XYLT1: variants seen among roughly 807,000 people sequenced by gnomAD.
The protein encoded by XYLT1 is xylosyltransferase 1, also known as beta-D-xylosyltransferase 1.
Under a neutral mutation model 91.3 loss-of-function variants are expected in XYLT1, and 36 were observed. That is an observed-to-expected ratio of 0.39 (90% CI 0.30 to 0.52). The LOEUF (loss-of-function observed/expected upper bound fraction) is 0.52. XYLT1 is among the 20% of genes least tolerant of loss of function. XYLT1 has a pLI of 0.68. For missense variants in XYLT1, 1,242 were observed against 1,284.5 expected, an observed-to-expected ratio of 0.97 and a Z score of 0.51; for synonymous variants, 588 against 532.0, an observed-to-expected ratio of 1.11 and a Z score of -1.45.
At chr16:17,110,485 G>C (rs879883940) in intron 11 of XYLT1, among the ~76,000 whole-genome samples, 1 of 152,152 alleles carries the variant, frequency 6.6e-6, no homozygotes, top group African/African-American at 2.4e-5. Context: ...GCCTGCCACC[G>C]TGTAAGATGT....
At chr16:17,404,331 G>A (rs1057030496) in intron 1 of XYLT1, among the ~76,000 whole-genome samples, 1 of 152,200 alleles carries the variant, frequency 6.6e-6, no homozygotes, top group Non-Finnish European at 1.5e-5. Context: ...TCCTGCTACA[G>A]CTGAGGATGA....
At chr16:17,445,102 C>T (rs1461405671) in intron 1 of XYLT1, among the ~76,000 whole-genome samples, 1 of 152,210 alleles carries the variant, frequency 6.6e-6, no homozygotes, top group Non-Finnish European at 1.5e-5. Flanking sequence ...AGGGCTCAAA[C>T]AATCCTCTCA....
At position 17,108,981 on chromosome 16, in the gene XYLT1, T is replaced by C. The variant is rs756228697; in HGVS notation, c.2594A>G (p.Asn865Ser). ...CTGGAAGCTCTGCTCCATGTAGGCATTGCGGAGGGGCCCATTGTGCAGCTT... is the reference window on the plus strand; with the variant it reads ...CTGGAAGCTCTGCTCCATGTAGGCACTGCGGAGGGGCCCATTGTGCAGCTT... ...ALKLHNGPLR[N>S]AYMEQSFQSL... The change falls in exon 12 of 12, where the codon AAT becomes AGT. Residue 865 changes from asparagine to serine, a missense_variant. Asn to Ser is a conservative substitution (Grantham distance 46). Coordinates refer to ENST00000261381, the MANE Select transcript of XYLT1 (RefSeq NM_022166.4). The C allele has an allele frequency of 1.3e-6, 2 of 1,554,028 alleles. No individual in the cohort carries two copies. The highest frequency in any genetic ancestry group is 1.2e-5 in the South Asian group (1 of 81,636).
intron 10 of XYLT1, among the ~76,000 whole-genome samples, chr16:17,119,168 A>G (rs1338068542): frequency 6.6e-6 from 1 of 152,084 alleles, no homozygotes; most frequent in African/African-American, 2.4e-5. Flanking sequence ...CTTGGTGCCT[A>G]CTACCATGCT....
At chr16:17,428,538 T>C (rs1042110174) in intron 1 of XYLT1, among the ~76,000 whole-genome samples, 1 of 152,188 alleles carries the variant, frequency 6.6e-6, no homozygotes, top group African/African-American at 2.4e-5. Context: ...ACAGCTCTGA[T>C]TACAAATGCA....
chr16:17,442,935 T>C (rs555982260), intron 1 of XYLT1, among the ~76,000 whole-genome samples: 1 of 152,266 alleles, frequency 6.6e-6, no homozygotes, highest in South Asian at 2.1e-4. Context: ...GGTGAACGTG[T>C]GTTACTTTAA....
chr16:17,288,597 G>T (rs1015236370), intron 2 of XYLT1, among the ~76,000 whole-genome samples: 7 of 152,280 alleles, frequency 4.6e-5, no homozygotes, highest in African/African-American at 1.7e-4. Flanking sequence ...TTGAATATGG[G>T]CAGGTCATGC....
At chr16:17,268,971 C>T (rs1245969521) in intron 2 of XYLT1, among the ~76,000 whole-genome samples, 1 of 152,128 alleles carries the variant, frequency 6.6e-6, no homozygotes, top group Non-Finnish European at 1.5e-5. Context: ...CTGCGCCCAG[C>T]CGATAAATAC....
At chr16:17,165,536 A>T (rs2031658303) in intron 5 of XYLT1, among the ~76,000 whole-genome samples, 1 of 152,088 alleles carries the variant, frequency 6.6e-6, no homozygotes, top group South Asian at 2.1e-4. Context: ...AATACAAAAA[A>T]AAAAAAATTA....
chr16:17,387,279 G>A (rs1451518063), intron 1 of XYLT1, among the ~76,000 whole-genome samples: 1 of 152,172 alleles, frequency 6.6e-6, no homozygotes, highest in East Asian at 1.9e-4. Flanking sequence ...GGGACTGGAG[G>A]CAAAGAGAGA....
intron 1 of XYLT1, among the ~76,000 whole-genome samples, chr16:17,428,982 G>T (rs1351980252): frequency 6.6e-6 from 1 of 152,128 alleles, no homozygotes; most frequent in Non-Finnish European, 1.5e-5. Context: ...CTTCCACAGG[G>T]ACCTGTGGCC....
At chr16:17,268,958 C>T (rs545097701) in intron 2 of XYLT1, among the ~76,000 whole-genome samples, 1 of 152,258 alleles carries the variant, frequency 6.6e-6, no homozygotes, top group East Asian at 1.9e-4. Context: ...CAGGCGTGAG[C>T]CACTGCGCCC....
intron 2 of XYLT1, among the ~76,000 whole-genome samples, chr16:17,354,241 G>A (rs2035262350): frequency 6.6e-6 from 1 of 152,190 alleles, no homozygotes; most frequent in Admixed American, 6.5e-5. Flanking sequence ...GCTGACACCA[G>A]GGATTTAAAC....
At chr16:17,319,005 C>T (rs1345723662) in intron 2 of XYLT1, among the ~76,000 whole-genome samples, 2 of 152,082 alleles carry the variant, frequency 1.3e-5, no homozygotes, top group Non-Finnish European at 2.9e-5. Context: ...CCTGGCTGGT[C>T]TCAAACTCCT....
At chr16:17,242,095 G>A (rs1387814975) in intron 3 of XYLT1, among the ~76,000 whole-genome samples, 5 of 152,138 alleles carry the variant, frequency 3.3e-5, no homozygotes, top group African/African-American at 1.2e-4. Flanking sequence ...CCACCCCCGT[G>A]ATTCAATTAC....
chr16:17,237,638 C>T (rs571318214), intron 3 of XYLT1, among the ~76,000 whole-genome samples: 4 of 152,290 alleles, frequency 2.6e-5, no homozygotes, highest in African/African-American at 9.6e-5. Context: ...AATCCGGAGA[C>T]GGATTCATCA....
Position 17,418,098 on chromosome 16 carries a change from G to A in XYLT1, c.363+52336C>T, listed in dbSNP as rs938884249. Among the ~76,000 whole-genome samples the A allele has an allele frequency of 4.6e-5, 7 of 152,192 alleles. 1 individual carries two copies. Among genetic ancestry groups the A allele is most frequent in the Admixed American group, 2.0e-4 (3 of 15,270 alleles). ...ATCCAAGAAAGAACCATCCAGCCACGTCTAGTCAGCCCACAAAACCTTGAG... is the reference window on the plus strand; with the variant it reads ...ATCCAAGAAAGAACCATCCAGCCACATCTAGTCAGCCCACAAAACCTTGAG... On this transcript the variant is annotated intron_variant, in intron 1 of 11. Coordinates refer to ENST00000261381, the MANE Select transcript of XYLT1 (RefSeq NM_022166.4).
Position 17,244,126 on chromosome 16 carries a change from A to C in XYLT1, c.913+14862T>G, listed in dbSNP as rs536623143. On this transcript the variant is annotated intron_variant, in intron 3 of 11. Transcript: ENST00000261381. ...TTGGTTGCAAACCACTGAATCAGGG[A>C]AAGGGCAGAACTAGGGGGAACAGGA... Among the ~76,000 whole-genome samples the C allele has an allele frequency of 2.8e-3, 422 of 152,190 alleles. 2 individuals carry two copies. The highest frequency in any genetic ancestry group is 3.1e-3 in the Non-Finnish European group (214 of 68,014).
intron 3 of XYLT1, among the ~76,000 whole-genome samples, chr16:17,232,396 T>C (rs2033174050): frequency 1.6e-5 from 2 of 127,304 alleles, no homozygotes; most frequent in South Asian, 2.4e-4. Flanking sequence ...TGTGTCTGTG[T>C]GTCTGTGTCT....
Sources: allele counts gnomAD v4.1 joint callset (sites outside exome capture counted in the v4.1 genomes callset), GRCh38; gene constraint gnomAD v4.1.1; transcripts MANE v1.5; gene names NCBI Gene and HGNC (gene_info 2026-07-23, HGNC 2026-07-21).